BMERB1: variants seen among roughly 807,000 people sequenced by gnomAD.
BMERB1 encodes bMERB domain containing 1.
BMERB1 carries 12 observed loss-of-function variants against 23.6 expected under a neutral mutation model. That is an observed-to-expected ratio of 0.51 (90% confidence interval 0.33 to 0.82). The LOEUF (loss-of-function observed/expected upper bound fraction) is 0.82, where lower values mean the gene tolerates loss of function less well. Among genes scored for constraint, BMERB1 ranks in the 40% least tolerant of loss-of-function variants. BMERB1 has a pLI of 0.03. For missense variants in BMERB1, 247 were observed against 255.4 expected, an observed-to-expected ratio of 0.97 and a Z score of 0.22; for synonymous variants, 122 against 96.6, an observed-to-expected ratio of 1.26 and a Z score of -1.54.
chr16:15,567,785 C>T (rs1208362128), intron 2 of BMERB1, among the ~76,000 whole-genome samples, 198 bp from the exon 3 acceptor site: 1 of 152,024 alleles, frequency 6.6e-6, no homozygotes, highest in Admixed American at 6.6e-5. Context: ...AAACAAAAAA[C>T]AGTGATCATT....
chr16:15,561,198 C>G (rs117003258), intron 2 of BMERB1, among the ~76,000 whole-genome samples: 8,204 of 149,610 alleles, frequency 0.055, 269 homozygotes, highest in South Asian at 0.085. Flanking sequence ...ACCTTGTGAC[C>G]TGCCCACCTC....
In BMERB1 at chr16:15,586,697, G is replaced by C. The variant is rs371793732; in HGVS notation, c.503-20G>C. 20 of 1,580,462 alleles carry C rather than the reference G, an allele frequency of 1.3e-5. No individual in the cohort carries two copies. The African/African-American group carries it at 1.5e-4, about 12-fold the overall frequency. On this transcript the variant is annotated intron_variant, in intron 5 of 5. Transcript: ENST00000300006. ...TCTGTTCCTTTCTCCCCCTCTCCCT[G>C]TGCCCACATCTTGCTGCAGGCTCCC...
chr16:15,473,172 T>C (rs1397110877), intron 1 of BMERB1, among the ~76,000 whole-genome samples: 1 of 151,904 alleles, frequency 6.6e-6, no homozygotes, highest in East Asian at 1.9e-4. Context: ...ATTCCATCTT[T>C]AAAAAAAATT....
rs572363352 is a variant in BMERB1, at chr16:15,528,638, G to A, written c.230+13210G>A. On this transcript the variant is annotated intron_variant, in intron 2 of 5. Coordinates refer to ENST00000300006, the MANE Select transcript of BMERB1 (RefSeq NM_033201.3). ...CCCCACCCCCCGATACACACACCAGGTCCCCTCCTGCCGTGGGGGCCTTTT... is the reference window on the plus strand; with the variant it reads ...CCCCACCCCCCGATACACACACCAGATCCCCTCCTGCCGTGGGGGCCTTTT... 1.2e-4 allele frequency among the ~76,000 whole-genome samples: 18 copies of A among 150,896 alleles called. No individual in the cohort carries two copies. The South Asian group carries it at 3.8e-3, about 32-fold the overall frequency.
intron 2 of BMERB1, chr16:15,533,109 A>C: frequency 2.3e-6 from 1 of 431,986 alleles, no homozygotes; most frequent in Admixed American, 2.6e-5. Context: ...AAGCATATTA[A>C]GTGCTCAGTC....
chr16:15,468,913 C>A (rs1179007242), intron 1 of BMERB1, among the ~76,000 whole-genome samples: 1 of 150,624 alleles, frequency 6.6e-6, no homozygotes, highest in Non-Finnish European at 1.5e-5. Context: ...TCCAATTTGT[C>A]CAGTATTGTT....
chr16:15,528,582 A>G (rs2051932866), intron 2 of BMERB1, among the ~76,000 whole-genome samples: 1 of 147,754 alleles, frequency 6.8e-6, no homozygotes, highest in African/African-American at 2.5e-5. Context: ...CACACACACC[A>G]CTCCCTTGGG....
At chr16:15,468,815 TA>T in intron 1 of BMERB1, among the ~76,000 whole-genome samples, 1 of 152,212 alleles carries the variant, frequency 6.6e-6, no homozygotes, top group Non-Finnish European at 1.5e-5. Flanking sequence ...ATTATAGTTT[TA>T]CATTTTACAC....
intron 3 of BMERB1, among the ~76,000 whole-genome samples, chr16:15,579,529 T>A (rs2030954720): frequency 6.6e-6 from 1 of 152,196 alleles, no homozygotes; most frequent in Admixed American, 6.5e-5. Context: ...GAAAAAATGA[T>A]CAACGTCAGT....
At chr16:15,577,090 T>C (rs1247712721) in intron 3 of BMERB1, 1 of 152,148 alleles carries the variant, frequency 6.6e-6, no homozygotes, top group South Asian at 2.1e-4. Flanking sequence ...AAATGAACTT[T>C]CCACTTGGGC....
chr16:15,474,162 C>A (rs1254963868), intron 1 of BMERB1, among the ~76,000 whole-genome samples: 3 of 148,342 alleles, frequency 2.0e-5, no homozygotes, highest in Non-Finnish European at 1.5e-5. Context: ...TGAATCCATT[C>A]AAGATTTTTC....
chr16:15,436,746 G>A (rs191182792), intron 1 of BMERB1, among the ~76,000 whole-genome samples: 2 of 151,808 alleles, frequency 1.3e-5, no homozygotes, highest in African/African-American at 4.8e-5. Context: ...CTCCATGAGG[G>A]TCTCTTGTTT....
At chr16:15,452,696 G>C (rs528133635) in intron 1 of BMERB1, among the ~76,000 whole-genome samples, 5 of 152,268 alleles carry the variant, frequency 3.3e-5, no homozygotes, top group Non-Finnish European at 7.3e-5. Flanking sequence ...GCTGCTCGCG[G>C]GCAAGGGAAC....
At chr16:15,480,349 C>T (rs1462272522) in intron 1 of BMERB1, among the ~76,000 whole-genome samples, 3 of 151,898 alleles carry the variant, frequency 2.0e-5, no homozygotes, top group Admixed American at 2.0e-4. Context: ...CTCCTGACCT[C>T]GTGATCCGCC....
chr16:15,444,123 G>GTTTTTTTTTTTTTTTTTTTTTGTTTTTT (rs2050966981), intron 1 of BMERB1, among the ~76,000 whole-genome samples: 1 of 35,622 alleles, frequency 2.8e-5, no homozygotes, highest in Non-Finnish European at 4.6e-5. Context: ...CACCAGCTTT[G>GTTTTTTTTTTTTTTTTTTTTTGTTTTTT]TTTTTTTTTT....
chr16:15,462,775 G>T (rs1019389809), intron 1 of BMERB1, among the ~76,000 whole-genome samples: 1 of 152,270 alleles, frequency 6.6e-6, no homozygotes, highest in Non-Finnish European at 1.5e-5. Context: ...AATATATCAT[G>T]CTTTTAAGGA....
At chr16:15,510,352 C>G (rs2051648189) in intron 1 of BMERB1, among the ~76,000 whole-genome samples, 2 of 152,162 alleles carry the variant, frequency 1.3e-5, no homozygotes, top group South Asian at 4.1e-4. Flanking sequence ...TCAGCTCTTT[C>G]CCTTGCCAGC....
At chr16:15,576,524 T>C (rs2030864720) in intron 3 of BMERB1, among the ~76,000 whole-genome samples, 1 of 152,162 alleles carries the variant, frequency 6.6e-6, no homozygotes, top group South Asian at 2.1e-4. Flanking sequence ...GGAAGGACAG[T>C]GGAGTCTCCT....
At chr16:15,495,999 G>T (rs900414366) in intron 1 of BMERB1, among the ~76,000 whole-genome samples, 2 of 144,680 alleles carry the variant, frequency 1.4e-5, no homozygotes, top group Admixed American at 6.7e-5. Flanking sequence ...TGTTGATGGT[G>T]GTGGTGGTGG....
Sources: allele counts gnomAD v4.1 joint callset (sites outside exome capture counted in the v4.1 genomes callset), GRCh38; gene constraint gnomAD v4.1.1; transcripts MANE v1.5; gene names NCBI Gene and HGNC (gene_info 2026-07-23, HGNC 2026-07-21).